The following HDAC9 variants were observed in gnomAD, a reference collection of about 807,000 sequenced individuals.
The protein encoded by HDAC9 is MEF-2 interacting transcription repressor (MITR) protein.
HDAC9 carries 41 observed loss-of-function variants against 139.4 expected under a neutral mutation model. The ratio of observed to expected loss-of-function variants is 0.29; its 90% confidence interval spans 0.23 to 0.38. The LOEUF (loss-of-function observed/expected upper bound fraction) is 0.38, where lower values mean the gene tolerates loss of function less well. Among genes scored for constraint, HDAC9 ranks in the 10% least tolerant of loss-of-function variants. The pLI is 1.00. For missense variants in HDAC9, 1,147 were observed against 1,297.0 expected (o/e 0.88, Z 1.78); for synonymous variants, 517 against 476.2 (o/e 1.09, Z -1.12).
chr7:18,663,947 T>A (rs1794017717), intron 11 of HDAC9, among the ~76,000 whole-genome samples: 1 of 152,160 alleles, frequency 6.6e-6, no homozygotes, highest in Non-Finnish European at 1.5e-5. Context: ...AGCGGATGTT[T>A]GTTACCCAGT....
In HDAC9 at chr7:18,797,709, A is replaced by G. The variant is rs1197005134; in HGVS notation, c.2322+4257A>G. Among the ~76,000 whole-genome samples the G allele has an allele frequency of 2.0e-5, 3 of 151,944 alleles. No homozygotes were observed. In the East Asian group the frequency reaches 5.8e-4, roughly 29 times the overall value. ...CCAGGTGTGTTGGCAGGCGCCTGTA[A>G]TCCCAGCTATGTGGGAGGCTGAGAC... On this transcript the variant is annotated intron_variant, in intron 17 of 25. Transcript: ENST00000686413.
At chr7:18,666,665 A>T in intron 12 of HDAC9, 189 bp downstream of exon 12, 1 of 1,397,834 alleles carries the variant, frequency 7.2e-7, no homozygotes. Flanking sequence ...CTTTCTATAT[A>T]CTGATCTCTA....
intron 2 of HDAC9, among the ~76,000 whole-genome samples, chr7:18,273,911 A>T (rs1796548494): frequency 6.6e-6 from 1 of 152,196 alleles, no homozygotes; most frequent in Non-Finnish European, 1.5e-5. Flanking sequence ...TCATATTGAC[A>T]AAATTGTGAA....
At chr7:18,660,937 G>A (rs1219312297) in intron 11 of HDAC9, among the ~76,000 whole-genome samples, 2 of 152,126 alleles carry the variant, frequency 1.3e-5, no homozygotes, top group East Asian at 3.9e-4. Flanking sequence ...AGCATAATAG[G>A]AAGTCAGTGG....
chr7:18,540,146 G>A (rs1812328834), intron 2 of HDAC9, among the ~76,000 whole-genome samples: 1 of 149,890 alleles, frequency 6.7e-6, no homozygotes. Context: ...TGTGGTGGGT[G>A]CCTGTAATCC....
At chr7:18,272,392 A>T (rs1008494117) in intron 2 of HDAC9, among the ~76,000 whole-genome samples, 1 of 152,168 alleles carries the variant, frequency 6.6e-6, no homozygotes, top group African/African-American at 2.4e-5. Context: ...TCTAAGAAGG[A>T]GTCAGTAGGA....
chr7:18,327,353 T>C (rs1800538622), intron 1 of HDAC9: 1 of 151,932 alleles, frequency 6.6e-6, no homozygotes, highest in African/African-American at 2.4e-5. Flanking sequence ...GATGTAATGC[T>C]ATAATATAGT....
intron 2 of HDAC9, among the ~76,000 whole-genome samples, chr7:18,249,447 G>T (rs1211655644): frequency 3.2e-5 from 4 of 125,724 alleles, no homozygotes; most frequent in Non-Finnish European, 6.3e-5. Flanking sequence ...AGGTTTCAAT[G>T]AGCTGAGATC....
At chr7:18,563,335 T>C (rs552055074) in intron 2 of HDAC9, among the ~76,000 whole-genome samples, 2 of 152,298 alleles carry the variant, frequency 1.3e-5, no homozygotes, top group Admixed American at 6.5e-5. Context: ...TCATCTTTTT[T>C]TTTCCATCCT....
chr7:18,441,844 T>C (rs969678359), intron 1 of HDAC9, among the ~76,000 whole-genome samples: 3 of 152,156 alleles, frequency 2.0e-5, no homozygotes, highest in African/African-American at 7.2e-5. Flanking sequence ...CACAGCTCAC[T>C]GCAAGCTCCG....
At chr7:18,663,922 T>G (rs1293465798) in intron 11 of HDAC9, among the ~76,000 whole-genome samples, 1 of 152,164 alleles carries the variant, frequency 6.6e-6, no homozygotes. Flanking sequence ...TGTCCCTCTC[T>G]CTCTCTGAAT....
chr7:18,817,742 T>G (rs1006316969), intron 17 of HDAC9, among the ~76,000 whole-genome samples: 11 of 152,210 alleles, frequency 7.2e-5, no homozygotes, highest in Non-Finnish European at 1.5e-4. Flanking sequence ...GCAAACCTAT[T>G]TTTGACGGAG....
chr7:18,501,933 T>C (rs570537695), intron 2 of HDAC9, among the ~76,000 whole-genome samples: 1 of 152,310 alleles, frequency 6.6e-6, no homozygotes, highest in Non-Finnish European at 1.5e-5. Flanking sequence ...GTAGGACATT[T>C]ATCATGTGAT....
At chr7:18,554,228 A>G (rs796722109) in intron 2 of HDAC9, among the ~76,000 whole-genome samples, 4 of 151,788 alleles carry the variant, frequency 2.6e-5, no homozygotes, top group South Asian at 4.2e-4. Context: ...TGTCGAAACT[A>G]TGTTAAAGGA....
intron 13 of HDAC9, among the ~76,000 whole-genome samples, chr7:18,740,954 T>G (rs1369547307): frequency 6.6e-6 from 1 of 152,268 alleles, no homozygotes; most frequent in African/African-American, 2.4e-5. Context: ...CCAGAGCAAG[T>G]CCCTAACTCT....
In HDAC9 at chr7:18,593,611, A is replaced by G. The variant is rs76810769; in HGVS notation, c.543-297A>G. Among the ~76,000 whole-genome samples, 813 of 152,284 alleles carry G rather than the reference A, an allele frequency of 5.3e-3. 6 individuals are homozygous for G. Among genetic ancestry groups the G allele is most frequent in the African/African-American group, 0.019 (773 of 41,562 alleles). ...CCCCTAGGGTGGCTCTTAAGAGAAC[A>G]TAGGCAGTAATCTCAAATTGTCAAA... On this transcript the variant is annotated intron_variant, in intron 5 of 25. Coordinates refer to ENST00000686413, the MANE Select transcript of HDAC9 (RefSeq NM_178425.4).
At chr7:18,626,469 A>G (rs1841755626) in intron 6 of HDAC9, among the ~76,000 whole-genome samples, 1 of 152,222 alleles carries the variant, frequency 6.6e-6, no homozygotes, top group South Asian at 2.1e-4. Context: ...TCCCTCCAAC[A>G]TCCCCATTTT....
chr7:18,689,035 A>G (rs1782481224), intron 12 of HDAC9, among the ~76,000 whole-genome samples: 1 of 152,034 alleles, frequency 6.6e-6, no homozygotes, highest in Non-Finnish European at 1.5e-5. Flanking sequence ...GTATTCTGTC[A>G]CATAAATTAA....
At position 18,745,883 on chromosome 7, in the gene HDAC9, C is replaced by CTT. The variant is rs752292349; in HGVS notation, c.1910-3100_1910-3099dup. ...CTTGAAGAATATATTTCTTCTTCTT[C>CTT]TTTTTTTTTTTTTTTTTTTTTTTGC... On this transcript the variant is annotated intron_variant, in intron 13 of 25. Coordinates refer to ENST00000686413, the MANE Select transcript of HDAC9 (RefSeq NM_178425.4). Among the ~76,000 whole-genome samples the CTT allele has an allele frequency of 2.8e-3, 279 of 99,458 alleles. 2 individuals carry two copies. Among genetic ancestry groups the CTT allele is most frequent in the South Asian group, 6.2e-3 (18 of 2,908 alleles). 65.2% of individuals were successfully genotyped at this position (99,458 alleles called of 152,430 possible). A position where few individuals can be genotyped will look rare whatever the true frequency, so the allele number is the denominator to read the frequency against.
Sources: allele counts gnomAD v4.1 joint callset (sites outside exome capture counted in the v4.1 genomes callset), GRCh38; gene constraint gnomAD v4.1.1; transcripts MANE v1.5; gene names NCBI Gene and HGNC (gene_info 2026-07-23, HGNC 2026-07-21).